AHDC1: variants seen among roughly 807,000 people sequenced by gnomAD.
AHDC1 encodes transcription factor Gibbin.
AHDC1 carries 7 observed loss-of-function variants against 87.9 expected under a neutral mutation model. That is an observed-to-expected ratio of 0.08 (90% CI 0.05 to 0.15). The LOEUF (loss-of-function observed/expected upper bound fraction) is 0.15. Among genes scored for constraint, AHDC1 ranks in the 10% least tolerant of loss-of-function variants. The pLI is 1.00. For missense variants in AHDC1, 1,841 were observed against 2,253.2 expected, an observed-to-expected ratio of 0.82 and a Z score of 3.70; for synonymous variants, 1,051 against 1,006.8, an observed-to-expected ratio of 1.04 and a Z score of -0.83.
At chr1:27,557,603 C>T (rs1322720024) in intron 5 of AHDC1, among the ~76,000 whole-genome samples, 1 of 152,162 alleles carries the variant, frequency 6.6e-6, no homozygotes, top group African/African-American at 2.4e-5. Flanking sequence ...CACTGTGCAC[C>T]CAGAACCCTG....
chr1:27,534,597 T>C lies in AHDC1; in HGVS notation c.*363A>G, dbSNP rs936414670. ...TCTCAGTGCATACTTGCAGGGGCTC[T>C]GGACACCTCGGGGCCCCGCTCGCAA... On this transcript the variant is annotated 3_prime_UTR_variant, in exon 9 of 9. Transcript: ENST00000673934. 86 of 152,250 alleles carry C rather than the reference T, an allele frequency of 5.6e-4. No homozygotes were observed. Among genetic ancestry groups the C allele is most frequent in the African/African-American group, 2.0e-3 (84 of 41,464 alleles). 9.4% of individuals were successfully genotyped at this position (152,250 alleles called of 1,614,324 possible).
Position 27,547,254 on chromosome 1 carries a change from G to C in AHDC1, c.*43+7C>G. ...TCTGCCCACTGCGCCCACATCCCCA[G>C]ACTCACCCAGGAACAAAACCTCGCG... On this transcript the variant is annotated splice_region_variant and intron_variant, in intron 8 of 8. Coordinates refer to ENST00000673934, the MANE Select transcript of AHDC1 (RefSeq NM_001371928.1). This position sits in a 1 kb window ranked among gnomAD's most constrained non-coding sequence, Gnocchi z 4.9. 1 of 1,501,562 alleles carries C rather than the reference G, an allele frequency of 6.7e-7. No individual in the cohort carries two copies. The highest frequency in any genetic ancestry group is 1.3e-5 in the South Asian group (1 of 74,618). 93.0% of individuals were successfully genotyped at this position (1,501,562 alleles called of 1,614,324 possible).
At chr1:27,552,764 CT>C (rs1362035489) in intron 7 of AHDC1, 127 bp downstream of exon 7, 1 of 152,708 alleles carries the variant, frequency 6.5e-6, no homozygotes, top group Non-Finnish European at 1.5e-5. Flanking sequence ...AACAGGACCC[CT>C]GCCTTTGAGA....
chr1:27,555,190 A>T (rs2019763572), intron 5 of AHDC1, among the ~76,000 whole-genome samples: 2 of 152,220 alleles, frequency 1.3e-5, no homozygotes, highest in South Asian at 4.1e-4. Context: ...CCAGATACCC[A>T]GGCCCTAGTC....
chr1:27,593,147 C>CT lies in AHDC1; in HGVS notation c.-629+10249dup, dbSNP rs1428686900. On this transcript the variant is annotated intron_variant, in intron 3 of 8. Coordinates refer to ENST00000673934, the MANE Select transcript of AHDC1 (RefSeq NM_001371928.1). This position sits in a 1 kb window ranked among gnomAD's most constrained non-coding sequence, Gnocchi z 4.9. ...CACGGTGTCTCCTCAGGGAAGGCCCCTAGGGTCCCGGGCTCCCTCCAGGGC... is the reference window on the plus strand; with the variant it reads ...CACGGTGTCTCCTCAGGGAAGGCCCCTTAGGGTCCCGGGCTCCCTCCAGGGC... Among the ~76,000 whole-genome samples the CT allele has an allele frequency of 5.9e-5, 9 of 152,026 alleles. No individual in the cohort carries two copies. The highest frequency in any genetic ancestry group is 1.2e-4 in the Non-Finnish European group (8 of 67,950).
rs1473926426 is a variant in AHDC1, at chr1:27,593,578, T to A, written c.-629+9819A>T. 6.6e-6 allele frequency among the ~76,000 whole-genome samples: 1 copy of A among 152,168 alleles called. No homozygotes were observed. Among genetic ancestry groups the A allele is most frequent in the East Asian group, 1.9e-4 (1 of 5,188 alleles). On this transcript the variant is annotated intron_variant, in intron 3 of 8. Coordinates refer to ENST00000673934, the MANE Select transcript of AHDC1 (RefSeq NM_001371928.1). The surrounding 1 kb of genome is among the most constrained non-coding windows in gnomAD (Gnocchi z 4.9). ...CCCACAGCCACGGCTCCAGCTGGGG[T>A]CAGGCATGCCAGCTGTGCCAGGGCG...
At position 27,598,442 on chromosome 1, in the gene AHDC1, G is replaced by C. The variant is rs1427657869; in HGVS notation, c.-629+4955C>G. On this transcript the variant is annotated intron_variant, in intron 3 of 8. Coordinates refer to ENST00000673934, the MANE Select transcript of AHDC1 (RefSeq NM_001371928.1). This position sits in a 1 kb window ranked among gnomAD's most constrained non-coding sequence, Gnocchi z 4.2. Reference sequence around the variant, plus strand: ...TCCCCTGGCCAATGGAAGAGATGCTGGGATCCAGGAGGGAGGGGCCAGGAG... The same window carrying C: ...TCCCCTGGCCAATGGAAGAGATGCTCGGATCCAGGAGGGAGGGGCCAGGAG... 6.6e-6 allele frequency among the ~76,000 whole-genome samples: 1 copy of C among 152,180 alleles called. No individual in the cohort carries two copies. Among genetic ancestry groups the C allele is most frequent in the East Asian group, 1.9e-4 (1 of 5,198 alleles).
chr1:27,603,141 GA>G, intron 3 of AHDC1, among the ~76,000 whole-genome samples: 1 of 149,416 alleles, frequency 6.7e-6, no homozygotes, highest in African/African-American at 2.5e-5. Flanking sequence ...GGAAACCCGA[GA>G]ACCCCCCCTC....
chr1:27,544,568 G>A (rs991684463), intron 8 of AHDC1, among the ~76,000 whole-genome samples: 9 of 152,194 alleles, frequency 5.9e-5, no homozygotes, highest in Admixed American at 3.3e-4. Context: ...GTGAATGAGC[G>A]TGTCCTTGTC....
chr1:27,589,543 G>T lies in AHDC1; in HGVS notation c.-629+13854C>A, dbSNP rs137971157. Among the ~76,000 whole-genome samples, 11 of 152,300 alleles carry T rather than the reference G, an allele frequency of 7.2e-5. No individual in the cohort carries two copies. The East Asian group carries it at 2.1e-3, about 29-fold the overall frequency. On this transcript the variant is annotated intron_variant, in intron 3 of 8. Coordinates refer to ENST00000673934, the MANE Select transcript of AHDC1 (RefSeq NM_001371928.1). ...GTGGGTCCATGCGGCCTTGGTGTGA[G>T]TGAGGGCACATTGTGCTTTTGAGAC...
At chr1:27,576,385 C>A (rs908692308) in intron 3 of AHDC1, among the ~76,000 whole-genome samples, 1 of 152,188 alleles carries the variant, frequency 6.6e-6, no homozygotes, top group Non-Finnish European at 1.5e-5. Context: ...CTGAACAATG[C>A]GTTTTCACTG....
chr1:27,545,863 A>C (rs2019140545), intron 8 of AHDC1, among the ~76,000 whole-genome samples: 1 of 152,220 alleles, frequency 6.6e-6, no homozygotes, highest in Admixed American at 6.5e-5. Flanking sequence ...AGAGGGGCAA[A>C]AGCTTGGTCA....
intron 8 of AHDC1, among the ~76,000 whole-genome samples, chr1:27,543,905 T>C (rs926082362): frequency 8.6e-5 from 13 of 151,198 alleles, no homozygotes; most frequent in African/African-American, 2.9e-4. Context: ...ATCGTGCCAC[T>C]GCACTCCAGC....
chr1:27,596,509 G>T (rs1007243486), intron 3 of AHDC1, among the ~76,000 whole-genome samples: 1 of 151,950 alleles, frequency 6.6e-6, no homozygotes, highest in Non-Finnish European at 1.5e-5. Context: ...CAGGCCGGGG[G>T]CCCCTTCCCA....
rs2089359663 is a variant in AHDC1 at position 27,595,970 on chromosome 1, A to C, written c.-629+7427T>G. Among the ~76,000 whole-genome samples, 1 of 151,570 alleles carries C rather than the reference A, an allele frequency of 6.6e-6. No homozygotes were observed. The highest frequency in any genetic ancestry group is 2.4e-5 in the African/African-American group (1 of 41,164). On this transcript the variant is annotated intron_variant, in intron 3 of 8. Transcript: ENST00000673934. This position sits in a 1 kb window ranked among gnomAD's most constrained non-coding sequence, Gnocchi z 4.0. ...GTGTTTTAGAGGTGTTAGAGCTGTG[A>C]GTGTGTATGTGGGGCAGTTGTCTAT...
chr1:27,574,781 C>G (rs556410497), intron 3 of AHDC1, among the ~76,000 whole-genome samples: 1 of 152,154 alleles, frequency 6.6e-6, no homozygotes, highest in Admixed American at 6.5e-5. Flanking sequence ...CCCTGCCCAA[C>G]AAAGGGCAGG....
chr1:27,583,366 C>G (rs1213744757), intron 3 of AHDC1, among the ~76,000 whole-genome samples: 2 of 152,184 alleles, frequency 1.3e-5, no homozygotes, highest in Non-Finnish European at 2.9e-5. Flanking sequence ...CTGGCTCCCC[C>G]ATCTCTTTCA....
Position 27,562,454 on chromosome 1 carries a change from G to T in AHDC1, c.-628-3571C>A, listed in dbSNP as rs2020134325. ...GAGAGGCAGGAAATAGGGTCCCCAG[G>T]CCCTCAGGGACACAGCCCCCTGCCT... On this transcript the variant is annotated intron_variant, in intron 3 of 8. Coordinates refer to ENST00000673934, the MANE Select transcript of AHDC1 (RefSeq NM_001371928.1). This position sits in a 1 kb window ranked among gnomAD's most constrained non-coding sequence, Gnocchi z 4.4. 6.6e-6 allele frequency among the ~76,000 whole-genome samples: 1 copy of T among 152,106 alleles called. No individual in the cohort carries two copies.
rs924079697 is a variant in AHDC1, at chr1:27,546,931, C to T, written c.*43+330G>A. 1.3e-4 allele frequency among the ~76,000 whole-genome samples: 20 copies of T among 152,180 alleles called. 1 individual carries two copies. Among genetic ancestry groups the T allele is most frequent in the Admixed American group, 1.2e-3 (18 of 15,284 alleles). ...TTTCCTGGGAAATACTCACTTCCTG[C>T]CCAAGACATAGCATGAACAAATAAT... On this transcript the variant is annotated intron_variant, in intron 8 of 8. Transcript: ENST00000673934.
Sources: gnomAD v4.1 joint callset for allele counts (sites outside exome capture counted in the v4.1 genomes callset) on GRCh38, gnomAD v4.1.1 for gene constraint, Gnocchi (gnomAD v3.1) non-coding constraint, MANE v1.5 for transcripts, NCBI Gene and HGNC (gene_info 2026-07-23, HGNC 2026-07-21) for gene names.